Variants in WDR72 observed in about 807,000 individuals in gnomAD.
WDR72 encodes WD repeat-containing protein 72.
In WDR72, 120 loss-of-function variants were observed where a neutral mutation model predicts 124.2. The ratio of observed to expected loss-of-function variants is 0.97; its 90% CI spans 0.83 to 1.12. The LOEUF (loss-of-function observed/expected upper bound fraction) is 1.12, where lower values mean the gene tolerates loss of function less well. Among genes scored for constraint, WDR72 ranks in the 50% most tolerant of loss-of-function variants. WDR72 has a pLI of 0.00. For synonymous variants in WDR72, 452 were observed against 441.7 expected, an observed-to-expected ratio of 1.02 and a Z score of -0.29; for missense variants, 1,387 against 1,278.8, an observed-to-expected ratio of 1.08 and a Z score of -1.29.
intron 8 of WDR72, 127 bp from the exon 9 acceptor site, chr15:53,711,080 G>T: frequency 1.1e-6 from 1 of 940,910 alleles, no homozygotes; most frequent in South Asian, 1.5e-5. Context: ...GAAATTGTTG[G>T]GTTAATAATT....
chr15:53,630,961 T>C (rs2014403526), intron 14 of WDR72, among the ~76,000 whole-genome samples: 1 of 152,156 alleles, frequency 6.6e-6, no homozygotes, highest in Non-Finnish European at 1.5e-5. Context: ...TAGAAAACAC[T>C]AAGGTATCCA....
intron 1 of WDR72, among the ~76,000 whole-genome samples, chr15:53,753,684 T>C (rs2018828256): frequency 1.3e-5 from 2 of 152,224 alleles, no homozygotes; most frequent in African/African-American, 4.8e-5. Context: ...TACTTTCCCT[T>C]ATTCCTAAAC....
Position 53,517,612 on chromosome 15 carries a change from A to G in WDR72, c.*87T>C. On this transcript the variant is annotated 3_prime_UTR_variant, in exon 20 of 20. Transcript: ENST00000360509. ...ACAGCCTAATAACTTGACCAATAAC[A>G]ACAATGCTTTTATACAGTAATAAAC... 1 of 1,409,998 alleles carries G rather than the reference A, an allele frequency of 7.1e-7. No homozygotes were observed. Among genetic ancestry groups the G allele is most frequent in the South Asian group, 1.2e-5 (1 of 86,778 alleles). 87.3% of individuals were successfully genotyped at this position (1,409,998 alleles called of 1,614,324 possible). A position where few individuals can be genotyped will look rare whatever the true frequency, so the allele number is the denominator to read the frequency against.
chr15:53,653,114 C>T, intron 14 of WDR72, among the ~76,000 whole-genome samples: 1 of 152,026 alleles, frequency 6.6e-6, no homozygotes. Flanking sequence ...TTCTGTCAGT[C>T]ATTTATATTT....
At chr15:53,681,798 C>T (rs2016395577) in intron 13 of WDR72, among the ~76,000 whole-genome samples, 1 of 150,766 alleles carries the variant, frequency 6.6e-6, no homozygotes. Flanking sequence ...GCCAGGAGAA[C>T]CAAAAAAAGG....
intron 14 of WDR72, among the ~76,000 whole-genome samples, chr15:53,663,159 G>C (rs1202514971): frequency 6.6e-6 from 1 of 151,786 alleles, no homozygotes; most frequent in African/African-American, 2.4e-5. Context: ...GAAATGCTAA[G>C]AGAAAAAGTG....
chr15:53,748,957 A>T (rs560728), intron 1 of WDR72, among the ~76,000 whole-genome samples: 10,289 of 152,240 alleles, frequency 0.068, 647 homozygotes, highest in African/African-American at 0.17. Flanking sequence ...TGTAGACAAG[A>T]AAGACAAAGC....
rs12911076 is a variant in WDR72, at chr15:53,739,368, C to T, written c.-12-6207G>A. The stretch of plus-strand genomic sequence containing the variant: ...ACATCTCTATCACTCCTGAGGGCTC[C>T]GCAGTCCTCTAAGGCCCGGACAATT... On this transcript the variant is annotated intron_variant, in intron 1 of 19. Coordinates refer to ENST00000360509, the MANE Select transcript of WDR72 (RefSeq NM_182758.4). Among the ~76,000 whole-genome samples the T allele has an allele frequency of 7.4e-3, 1,125 of 152,244 alleles. 5 individuals carry two copies. Among genetic ancestry groups the T allele is most frequent in the Admixed American group, 0.013 (196 of 15,294 alleles).
chr15:53,683,779 T>C (rs896176561), intron 13 of WDR72, among the ~76,000 whole-genome samples: 7 of 152,088 alleles, frequency 4.6e-5, no homozygotes, highest in Non-Finnish European at 2.9e-5. Context: ...CATATATATA[T>C]ATGGTCTGAT....
chr15:53,556,786 C>G (rs1165477186), intron 18 of WDR72, among the ~76,000 whole-genome samples: 1 of 152,030 alleles, frequency 6.6e-6, no homozygotes, highest in Non-Finnish European at 1.5e-5. Flanking sequence ...GGTTCAAAAC[C>G]TTGCATAAAC....
chr15:53,522,241 G>GT (rs1891844382), intron 19 of WDR72, among the ~76,000 whole-genome samples: 1 of 152,040 alleles, frequency 6.6e-6, no homozygotes, highest in African/African-American at 2.4e-5. Flanking sequence ...TCAGGGGACT[G>GT]TTTGTTTGCA....
Position 53,682,775 on chromosome 15 carries a change from C to T in WDR72, c.1765+16975G>A, listed in dbSNP as rs574452289. ...GAGCCCTGTAAACAGTTCCAACCTCCGCTTGTTATTCAGTTCCAAAGTTGC... is the reference window on the plus strand; with the variant it reads ...GAGCCCTGTAAACAGTTCCAACCTCTGCTTGTTATTCAGTTCCAAAGTTGC... On this transcript the variant is annotated intron_variant, in intron 13 of 19. Transcript: ENST00000360509. Among the ~76,000 whole-genome samples the T allele has an allele frequency of 1.7e-3, 265 of 152,244 alleles. 1 individual carries two copies. The highest frequency in any genetic ancestry group is 6.2e-3 in the African/African-American group (257 of 41,548).
intron 13 of WDR72, among the ~76,000 whole-genome samples, chr15:53,685,075 A>G (rs1567026389): frequency 6.6e-6 from 1 of 151,986 alleles, no homozygotes; most frequent in African/African-American, 2.4e-5. Flanking sequence ...CACCATCATC[A>G]AAGACCAAAA....
intron 14 of WDR72, among the ~76,000 whole-genome samples, chr15:53,616,624 C>CA (rs1478347816): frequency 3.3e-5 from 5 of 151,722 alleles, no homozygotes; most frequent in Admixed American, 2.6e-4. Flanking sequence ...AGAACGCATG[C>CA]AAAAATTTAT....
intron 14 of WDR72, among the ~76,000 whole-genome samples, chr15:53,653,512 T>C (rs3911728): frequency 2.8e-4 from 43 of 152,310 alleles, no homozygotes; most frequent in African/African-American, 1.0e-3. Flanking sequence ...AAATATGAGT[T>C]TCTTTAATGA....
At chr15:53,639,277 C>A (rs118188253) in intron 14 of WDR72, among the ~76,000 whole-genome samples, 2 of 151,890 alleles carry the variant, frequency 1.3e-5, no homozygotes, top group Admixed American at 1.3e-4. Context: ...GACTCAACAG[C>A]GAGCAGAACA....
chr15:53,523,227 C>T lies in WDR72; in HGVS notation c.3244G>A (p.Glu1082Lys), dbSNP rs2140211030. The T allele has an allele frequency of 6.2e-7, 1 of 1,613,002 alleles. No homozygotes were observed. The highest frequency in any genetic ancestry group is 2.2e-5 in the East Asian group (1 of 44,842). Residue 1082 changes from glutamate to lysine, a missense_variant, in exon 19 of 20, where the codon GAG (glutamate) becomes AAG (lysine). Glu to Lys is a moderately conservative substitution (Grantham distance 56). Coordinates refer to ENST00000360509, the MANE Select transcript of WDR72 (RefSeq NM_182758.4). Reference protein sequence around the residue: ...MPDRCALEESESPGEPRHHSW... With the variant: ...MPDRCALEESKSPGEPRHHSW... ...TTTAAATGGCTTTCACCTGGACTCT[C>T]AGACTCTTCCAAGGCACATCTGTCA... is the stretch of plus-strand genomic sequence containing the variant.
At chr15:53,645,836 T>C (rs1487914903) in intron 14 of WDR72, among the ~76,000 whole-genome samples, 3 of 152,324 alleles carry the variant, frequency 2.0e-5, no homozygotes, top group South Asian at 2.1e-4. Context: ...TTGAAATTGC[T>C]AGATTAACCT....
intron 14 of WDR72, 31 bp from the exon 15 acceptor site, chr15:53,616,274 T>A: frequency 6.5e-7 from 1 of 1,547,046 alleles, no homozygotes; most frequent in South Asian, 1.1e-5. Context: ...TGTGTCAAAG[T>A]TCTTGCTTAT....
Sources: allele counts gnomAD v4.1 joint callset (sites outside exome capture counted in the v4.1 genomes callset), GRCh38; gene constraint gnomAD v4.1.1; transcripts MANE v1.5; gene names NCBI Gene and HGNC (gene_info 2026-07-23, HGNC 2026-07-21).